The following SRC variants were observed in gnomAD, a reference collection of about 807,000 sequenced individuals.
SRC encodes SRC proto-oncogene, non-receptor tyrosine kinase, also known as proto-oncogene tyrosine-protein kinase Src.
A neutral mutation model predicts 62.9 loss-of-function variants in SRC; 13 were observed. That is an observed-to-expected ratio of 0.21 (90% confidence interval 0.13 to 0.33). SRC has a LOEUF of 0.33. Among genes scored for constraint, SRC ranks in the 10% least tolerant of loss-of-function variants. The pLI, the probability that SRC is intolerant of heterozygous loss-of-function variation, is 1.00. For missense variants in SRC, 457 were observed against 737.3 expected (o/e 0.62, Z 4.40); for synonymous variants, 302 against 317.5 (o/e 0.95, Z 0.52).
chr20:37,403,443 G>A lies in SRC; in HGVS notation c.*64G>A. The A allele has an allele frequency of 2.0e-6, 3 of 1,489,116 alleles. No individual in the cohort carries two copies. Among genetic ancestry groups the A allele is most frequent in the Admixed American group, 2.1e-5 (1 of 48,408 alleles). 92.2% of individuals were successfully genotyped at this position (1,489,116 alleles called of 1,614,324 possible). A position where few individuals can be genotyped will look rare whatever the true frequency, so the allele number is the denominator to read the frequency against. On this transcript the variant is annotated 3_prime_UTR_variant, in exon 14 of 14. Coordinates refer to ENST00000373578, the MANE Select transcript of SRC (RefSeq NM_198291.3). The surrounding 1 kb of genome is among the most constrained non-coding windows in gnomAD (Gnocchi z 7.1). ...TGGGCTGGGTGGCCCCTGTCTCGGG[G>A]CTTGCCCCACTCTGCCTGCCTGCTG...
At chr20:37,357,272 G>C (rs975748484) in intron 1 of SRC, among the ~76,000 whole-genome samples, 2 of 152,240 alleles carry the variant, frequency 1.3e-5, no homozygotes, top group African/African-American at 4.8e-5. Flanking sequence ...AAGTCGGGCT[G>C]TGCAGGAGGA....
chr20:37,367,230 G>A (rs901213339), intron 2 of SRC, among the ~76,000 whole-genome samples: 1 of 149,462 alleles, frequency 6.7e-6, no homozygotes, highest in African/African-American at 2.5e-5. Flanking sequence ...GTGCCACCAC[G>A]CCTGGCTAAT....
rs573885387 is a variant in SRC, at chr20:37,373,157, T to C, written c.-173+7880T>C. Among the ~76,000 whole-genome samples the C allele has an allele frequency of 3.0e-3, 287 of 94,832 alleles. 1 individual carries two copies. Among genetic ancestry groups the C allele is most frequent in the Middle Eastern group, 0.024 (4 of 168 alleles). The allele number at this position is 94,832 out of a possible 152,430, so 62.2% of individuals were successfully genotyped here. A position where few individuals can be genotyped will look rare whatever the true frequency, so the allele number is the denominator to read the frequency against. Reference sequence around the variant, plus strand: ...ATACACATATGTACATATACACACATACACACATATATGTACACACATACA... The same window carrying C: ...ATACACATATGTACATATACACACACACACACATATATGTACACACATACA... On this transcript the variant is annotated intron_variant, in intron 2 of 13. Coordinates refer to ENST00000373578, the MANE Select transcript of SRC (RefSeq NM_198291.3).
intron 5 of SRC, among the ~76,000 whole-genome samples, chr20:37,392,146 G>GC (rs907899753): frequency 6.6e-6 from 1 of 152,032 alleles, no homozygotes; most frequent in Non-Finnish European, 1.5e-5. Flanking sequence ...CATATGGCTT[G>GC]CCCCCCTGCC....
At chr20:37,346,627 C>G (rs1291364172) in intron 1 of SRC, among the ~76,000 whole-genome samples, 1 of 151,506 alleles carries the variant, frequency 6.6e-6, no homozygotes, top group Non-Finnish European at 1.5e-5. Flanking sequence ...GTCGGCGCCG[C>G]CTCTGCCTGG....
At position 37,351,618 on chromosome 20, in the gene SRC, C is replaced by T. The variant is rs2069802048; in HGVS notation, c.-247+5363C>T. On this transcript the variant is annotated intron_variant, in intron 1 of 13. Coordinates refer to ENST00000373578, the MANE Select transcript of SRC (RefSeq NM_198291.3). The surrounding 1 kb of genome is among the most constrained non-coding windows in gnomAD (Gnocchi z 4.4). ...TGGGGTCTGATTAGCTTCTCTTAGGCTGCTTTGCCCAAATTCATGGCCTTG... is the reference window on the plus strand; with the variant it reads ...TGGGGTCTGATTAGCTTCTCTTAGGTTGCTTTGCCCAAATTCATGGCCTTG... Among the ~76,000 whole-genome samples the T allele has an allele frequency of 6.6e-6, 1 of 152,196 alleles. No individual in the cohort carries two copies. Among genetic ancestry groups the T allele is most frequent in the Admixed American group, 6.5e-5 (1 of 15,284 alleles).
At position 37,404,966 on chromosome 20, in the gene SRC, ATGT is replaced by A. The variant is rs2070804943; in HGVS notation, c.*1591_*1593del. The A allele has an allele frequency of 5.5e-6, 1 of 181,150 alleles. No individual in the cohort carries two copies. Among genetic ancestry groups the A allele is most frequent in the Non-Finnish European group, 1.2e-5 (1 of 86,818 alleles). The allele number at this position is 181,150 out of a possible 1,614,324, so 11.2% of individuals were successfully genotyped here. On this transcript the variant is annotated 3_prime_UTR_variant, in exon 14 of 14. Coordinates refer to ENST00000373578, the MANE Select transcript of SRC (RefSeq NM_198291.3). ...GTCCCCCCCGCTCCGTCCCCCAAAC[ATGT>A]TGTACATTTCACCATGGCCCCCTCA...
In SRC at chr20:37,402,997, C is replaced by T. The variant is rs1175595473; in HGVS notation, c.1402+117C>T. 35 of 1,416,754 alleles carry T rather than the reference C, an allele frequency of 2.5e-5. No individual in the cohort carries two copies. The highest frequency in any genetic ancestry group is 2.5e-5 in the Non-Finnish European group (27 of 1,059,908). The allele number at this position is 1,416,754 out of a possible 1,614,324, so 87.8% of individuals were successfully genotyped here. A position where few individuals can be genotyped will look rare whatever the true frequency, so the allele number is the denominator to read the frequency against. On this transcript the variant is annotated intron_variant, in intron 13 of 13. Transcript: ENST00000373578. This position sits in a 1 kb window ranked among gnomAD's most constrained non-coding sequence, Gnocchi z 6.2. ...CCACCCGTAAAACAAAGAAGTTGAG[C>T]GTCTGATGTTAGGCTCTCTCGATGG...
In SRC at chr20:37,402,577, C is replaced by T. The variant is rs142822674; in HGVS notation, c.1259C>T (p.Thr420Met). Residue 420 changes from threonine (T) to methionine (M), a missense_variant, in exon 12 of 14, where the codon ACG becomes ATG. Physicochemically the swap from Thr to Met is moderately conservative, Grantham distance 81. Coordinates refer to ENST00000373578, the MANE Select transcript of SRC (RefSeq NM_198291.3). The surrounding 1 kb of genome is among the most constrained non-coding windows in gnomAD (Gnocchi z 6.2). ...LARLIEDNEYTARQGAKFPIK... is the reference protein window; with the variant it reads ...LARLIEDNEYMARQGAKFPIK... ...CGGCTCATTGAAGACAATGAGTACA[C>T]GGCGCGGCAAGGTGGGCAGGGGCTG... 5.0e-6 allele frequency: 8 copies of T among 1,611,634 alleles called. No individual in the cohort carries two copies. Among genetic ancestry groups the T allele is most frequent in the Admixed American group, 1.7e-5 (1 of 59,774 alleles).
chr20:37,358,073 C>T (rs970562097), intron 1 of SRC, among the ~76,000 whole-genome samples: 3 of 152,158 alleles, frequency 2.0e-5, no homozygotes, highest in Admixed American at 1.3e-4. Flanking sequence ...AGGGTTCAAA[C>T]TGACATTTCA....
Position 37,403,347 on chromosome 20 carries a change from G to A in SRC, c.1579G>A (p.Glu527Lys), listed in dbSNP as rs879255268. 1 of 1,606,472 alleles carries A rather than the reference G, an allele frequency of 6.2e-7. No individual in the cohort carries two copies. The highest frequency in any genetic ancestry group is 8.5e-7 in the Non-Finnish European group (1 of 1,177,410). The change falls in exon 14 of 14, where the codon GAG becomes AAG. Residue 527 changes from glutamate (E) to lysine (K), a missense_variant. Glu to Lys is a moderately conservative substitution (Grantham distance 56). Coordinates refer to ENST00000373578, the MANE Select transcript of SRC (RefSeq NM_198291.3). This position sits in a 1 kb window ranked among gnomAD's most constrained non-coding sequence, Gnocchi z 7.1. ...AFLEDYFTST[E>K]PQYQPGENL ...CCTGGAGGACTACTTCACGTCCACC[G>A]AGCCCCAGTACCAGCCCGGGGAGAA...
At chr20:37,349,787 C>G (rs1311060641) in intron 1 of SRC, among the ~76,000 whole-genome samples, 1 of 152,220 alleles carries the variant, frequency 6.6e-6, no homozygotes, top group Admixed American at 6.5e-5. Context: ...GACTTTGAGT[C>G]CTGCCCTGCC....
At position 37,398,842 on chromosome 20, in the gene SRC, T is replaced by C. The variant is rs2070697552; in HGVS notation, c.859+988T>C. ...GGAAGGGCCTCACTTCCTCCCTGGG[T>C]GCTCCAGGTCGACTCATGAAGTGCC... On this transcript the variant is annotated intron_variant, in intron 9 of 13. Coordinates refer to ENST00000373578, the MANE Select transcript of SRC (RefSeq NM_198291.3). The surrounding 1 kb of genome is among the most constrained non-coding windows in gnomAD (Gnocchi z 5.2). Among the ~76,000 whole-genome samples, 1 of 152,198 alleles carries C rather than the reference T, an allele frequency of 6.6e-6. No individual in the cohort carries two copies. Among genetic ancestry groups the C allele is most frequent in the Non-Finnish European group, 1.5e-5 (1 of 68,026 alleles).
intron 2 of SRC, among the ~76,000 whole-genome samples, chr20:37,376,499 G>GTA (rs912391142): frequency 7.9e-5 from 12 of 152,074 alleles, no homozygotes; most frequent in South Asian, 4.2e-4. Flanking sequence ...CGGGCCACCT[G>GTA]TATATATATA....
chr20:37,401,841 G>A (rs1430808241), intron 11 of SRC, 163 bp downstream of exon 11: 2 of 538,084 alleles, frequency 3.7e-6, no homozygotes, highest in Admixed American at 3.7e-5. Flanking sequence ...TCTGCTTACA[G>A]GTGCCCTGAG....
Position 37,403,225 on chromosome 20 carries a change from G to A in SRC, c.1457G>A (p.Cys486Tyr), listed in dbSNP as rs1342906456. 6.3e-7 allele frequency: 1 copy of A among 1,575,228 alleles called. No individual in the cohort carries two copies. Among genetic ancestry groups the A allele is most frequent in the Non-Finnish European group, 8.6e-7 (1 of 1,162,850 alleles). Residue 486 changes from cysteine (C) to tyrosine (Y), a missense_variant, in exon 14 of 14, where the codon TGC (cysteine) becomes TAC (tyrosine). Physicochemically the swap from Cys to Tyr is radical, Grantham distance 194. Coordinates refer to ENST00000373578, the MANE Select transcript of SRC (RefSeq NM_198291.3). The surrounding 1 kb of genome is among the most constrained non-coding windows in gnomAD (Gnocchi z 7.1). Reference protein sequence around the residue: ...DQVERGYRMPCPPECPESLHD... With the variant: ...DQVERGYRMPYPPECPESLHD... ...GTGGAGCGGGGCTACCGGATGCCCT[G>A]CCCGCCGGAGTGTCCCGAGTCCCTG...
At position 37,403,075 on chromosome 20, in the gene SRC, T is replaced by C; in HGVS notation, c.1403-96T>C. The stretch of plus-strand genomic sequence containing the variant: ...CTTATCTATGGTCACTCCCAACCTG[T>C]CCTAGGCAGGAAGCCCTCGCTGCCC... On this transcript the variant is annotated intron_variant, in intron 13 of 13. Coordinates refer to ENST00000373578, the MANE Select transcript of SRC (RefSeq NM_198291.3). This position sits in a 1 kb window ranked among gnomAD's most constrained non-coding sequence, Gnocchi z 7.1. The C allele has an allele frequency of 1.4e-6, 2 of 1,381,092 alleles. No homozygotes were observed. Among genetic ancestry groups the C allele is most frequent in the Non-Finnish European group, 9.7e-7 (1 of 1,030,200 alleles). 85.6% of individuals were successfully genotyped at this position (1,381,092 alleles called of 1,614,324 possible). A position where few individuals can be genotyped will look rare whatever the true frequency, so the allele number is the denominator to read the frequency against.
intron 1 of SRC, among the ~76,000 whole-genome samples, chr20:37,358,844 G>A (rs916333038): frequency 6.6e-6 from 1 of 152,214 alleles, no homozygotes; most frequent in African/African-American, 2.4e-5. Flanking sequence ...CCGGCCTGCC[G>A]TCTCCACCCC....
At chr20:37,346,360 G>C (rs1309471545) in intron 1 of SRC, 105 bp downstream of exon 1, 1 of 149,078 alleles carries the variant, frequency 6.7e-6, no homozygotes, top group Non-Finnish European at 1.5e-5. Context: ...GGGGACTCCT[G>C]TCCACCCCCC....
Sources: allele counts gnomAD v4.1 joint callset (sites outside exome capture counted in the v4.1 genomes callset), GRCh38; gene constraint gnomAD v4.1.1; non-coding constraint Gnocchi (gnomAD v3.1); transcripts MANE v1.5; gene names NCBI Gene and HGNC (gene_info 2026-07-23, HGNC 2026-07-21).